Variants in CTPS2 observed in about 807,000 individuals in gnomAD.
CTPS2 encodes the protein CTP synthase 2.
In CTPS2, 19 loss-of-function variants were observed where a neutral mutation model predicts 46.8. The ratio of observed to expected loss-of-function variants is 0.41; its 90% CI spans 0.28 to 0.60. CTPS2 has a LOEUF of 0.60. Among genes scored for constraint, CTPS2 ranks in the 20% least tolerant of loss-of-function variants. CTPS2 has a pLI of 0.35. For missense variants in CTPS2, 286 were observed against 447.6 expected, an observed-to-expected ratio of 0.64 and a Z score of 3.26; for synonymous variants, 151 against 165.2, an observed-to-expected ratio of 0.91 and a Z score of 0.66.
intron 1 of CTPS2, among the ~76,000 whole-genome samples, chrX:16,710,913 G>A (rs1205036944): frequency 2.7e-5 from 3 of 112,312 alleles, no homozygotes; most frequent in Non-Finnish European, 3.8e-5. Context: ...CACCATGCCC[G>A]GCCCTCTACT....
chrX:16,656,280 T>C (rs150197016), intron 13 of CTPS2, among the ~76,000 whole-genome samples: 1 of 112,090 alleles, frequency 8.9e-6, no homozygotes, highest in African/African-American at 3.2e-5. Context: ...AAAAACCCAA[T>C]TGTACATGAT....
At chrX:16,648,642 C>T (rs1346888128) in intron 13 of CTPS2, among the ~76,000 whole-genome samples, 4 of 111,944 alleles carry the variant, frequency 3.6e-5, no homozygotes, top group African/African-American at 1.3e-4. Flanking sequence ...AATCTTATAA[C>T]TAAAAATAAA....
At chrX:16,661,814 C>T (rs1932961814) in intron 13 of CTPS2, among the ~76,000 whole-genome samples, 1 of 111,223 alleles carries the variant, frequency 9.0e-6, no homozygotes, top group South Asian at 3.8e-4. Flanking sequence ...TCCCATACCA[C>T]CATCCAAGTG....
intron 7 of CTPS2, among the ~76,000 whole-genome samples, chrX:16,689,967 G>A (rs763141505): frequency 9.1e-6 from 1 of 109,820 alleles, no homozygotes; most frequent in East Asian, 2.8e-4. Context: ...CAGGAGAATC[G>A]CTGGAACCCA....
chrX:16,642,930 G>C (rs777037416), intron 13 of CTPS2, among the ~76,000 whole-genome samples: 3 of 112,004 alleles, frequency 2.7e-5, no homozygotes, highest in Non-Finnish European at 5.6e-5. Flanking sequence ...GATTGCCTTT[G>C]CTTCCTCTAA....
intron 13 of CTPS2, among the ~76,000 whole-genome samples, chrX:16,658,212 A>T (rs1179561697): frequency 9.5e-6 from 1 of 105,015 alleles, no homozygotes; most frequent in African/African-American, 3.4e-5. Flanking sequence ...CTCTATCTCA[A>T]AAAAAAAAAA....
chrX:16,698,392 T>G, intron 3 of CTPS2, 56 bp from the exon 4 acceptor site: 9 of 843,111 alleles, frequency 1.1e-5, no homozygotes, highest in Non-Finnish European at 1.6e-5. Context: ...GAAAAGAATG[T>G]GCTTTAGGCC....
At chrX:16,596,783 T>C (rs375499526) in intron 17 of CTPS2, among the ~76,000 whole-genome samples, 1 of 106,255 alleles carries the variant, frequency 9.4e-6, no homozygotes, top group Non-Finnish European at 1.9e-5. Flanking sequence ...ACTTCCACAA[T>C]GGTTGAACTA....
At chrX:16,666,819 A>T (rs1228067916) in intron 13 of CTPS2, among the ~76,000 whole-genome samples, 1 of 111,952 alleles carries the variant, frequency 8.9e-6, no homozygotes, top group Non-Finnish European at 1.9e-5. Flanking sequence ...GACTGGCAGC[A>T]GAATCACTGT....
intron 13 of CTPS2, among the ~76,000 whole-genome samples, chrX:16,641,666 G>A (rs1048662957): frequency 7.1e-5 from 8 of 112,291 alleles, no homozygotes; most frequent in Non-Finnish European, 1.5e-4. Context: ...AGCCTAGGAG[G>A]CGGAGGTTGC....
intron 11 of CTPS2, among the ~76,000 whole-genome samples, chrX:16,669,931 AG>A (rs1044055726): frequency 1.4e-4 from 16 of 111,209 alleles, no homozygotes; most frequent in African/African-American, 5.2e-4. Flanking sequence ...AGCATTAAAA[AG>A]GCTCAACTCG....
chrX:16,645,863 G>A (rs1286541417), intron 13 of CTPS2, among the ~76,000 whole-genome samples: 1 of 112,564 alleles, frequency 8.9e-6, no homozygotes, highest in African/African-American at 3.2e-5. Context: ...GTAAAAGGAT[G>A]AGTTCAGTCC....
chrX:16,601,220 G>A (rs900858143), intron 17 of CTPS2, among the ~76,000 whole-genome samples: 1 of 111,383 alleles, frequency 9.0e-6, no homozygotes, highest in African/African-American at 3.3e-5. Context: ...AGGGAAAAGA[G>A]TACCTTGCTC....
intron 10 of CTPS2, among the ~76,000 whole-genome samples, chrX:16,672,850 A>G (rs1432130872): frequency 2.0e-5 from 2 of 99,677 alleles, no homozygotes; most frequent in Admixed American, 2.1e-4. Context: ...TAAAGTTTTG[A>G]TTAATGGTAA....
At chrX:16,677,394 C>T (rs1366018876) in intron 10 of CTPS2, among the ~76,000 whole-genome samples, 1 of 111,546 alleles carries the variant, frequency 9.0e-6, no homozygotes, top group Non-Finnish European at 1.9e-5. Flanking sequence ...TTCTGACTGA[C>T]CTCTTCTCTA....
rs980422467 is a variant in CTPS2 at position 16,595,023 on chromosome X, C to T, written c.1692-4161G>A. ...CTCTGTGCTGCATATGCGCCGTGAGCGCTACTCTATGCCGGGTTCATTTCT... is the reference window on the plus strand; with the variant it reads ...CTCTGTGCTGCATATGCGCCGTGAGTGCTACTCTATGCCGGGTTCATTTCT... On this transcript the variant is annotated intron_variant, in intron 17 of 18. Transcript: ENST00000359276. 1.2e-4 allele frequency among the ~76,000 whole-genome samples: 13 copies of T among 112,709 alleles called. No homozygotes were observed. The East Asian group carries it at 2.5e-3, about 22-fold the overall frequency.
At chrX:16,641,717 C>T (rs1016068250) in intron 13 of CTPS2, among the ~76,000 whole-genome samples, 1 of 112,212 alleles carries the variant, frequency 8.9e-6, no homozygotes, top group Non-Finnish European at 1.9e-5. Flanking sequence ...GCCTGGATGA[C>T]AGAGCAAGAC....
At chrX:16,636,443 T>C (rs1420762301) in intron 14 of CTPS2, among the ~76,000 whole-genome samples, 1 of 111,840 alleles carries the variant, frequency 8.9e-6, no homozygotes, top group Non-Finnish European at 1.9e-5. Context: ...CCACAAATCA[T>C]ATGGTTCCAT....
intron 14 of CTPS2, among the ~76,000 whole-genome samples, chrX:16,623,727 G>A (rs949657614): frequency 9.5e-6 from 1 of 104,747 alleles, no homozygotes; most frequent in Non-Finnish European, 1.9e-5. Context: ...ATGGGACTGC[G>A]ATATCTCTTT....
Sources: gnomAD v4.1 joint callset for allele counts (sites outside exome capture counted in the v4.1 genomes callset) on GRCh38, gnomAD v4.1.1 for gene constraint, MANE v1.5 for transcripts, NCBI Gene and HGNC (gene_info 2026-07-23, HGNC 2026-07-21) for gene names.